The following RNF180 variants were observed in gnomAD, a reference collection of about 807,000 sequenced individuals.
The protein encoded by RNF180 is ring finger protein 180.
Under a neutral mutation model 59.2 loss-of-function variants are expected in RNF180, and 38 were observed. The ratio of observed to expected loss-of-function variants is 0.64; its 90% CI spans 0.50 to 0.84. The LOEUF (loss-of-function observed/expected upper bound fraction) is 0.84. Ranked by LOEUF, RNF180 falls within the 40% of genes least tolerant of loss-of-function variation. RNF180 has a pLI of 0.00. For synonymous variants in RNF180, 262 were observed against 240.3 expected (o/e 1.09, Z -0.84); for missense variants, 705 against 700.9 (o/e 1.01, Z -0.07).
At chr5:64,319,880 A>G (rs1241164633) in intron 5 of RNF180, among the ~76,000 whole-genome samples, 1 of 152,254 alleles carries the variant, frequency 6.6e-6, no homozygotes, top group African/African-American at 2.4e-5. Flanking sequence ...GGCAGGTGCC[A>G]TAAGATCTAG....
chr5:64,346,079 A>T (rs1202661325), intron 7 of RNF180, among the ~76,000 whole-genome samples: 1 of 152,100 alleles, frequency 6.6e-6, no homozygotes, highest in Non-Finnish European at 1.5e-5. Flanking sequence ...ATAAAGAGGT[A>T]AAGAACTCCA....
At position 64,217,380 on chromosome 5, in the gene RNF180, G is replaced by T. The variant is rs904286520; in HGVS notation, c.1211G>T (p.Gly404Val). ...CTCTAGGGTAAATACTCAGGAGTGG[G>T]ATTGCTGGATCATATGGTAAGTATA... ...LQKQGKYSGV[G>V]LLDHMTLNNE... is the part of the protein sequence containing the mutation. Residue 404 changes from glycine to valine, a missense_variant, in exon 5 of 8, where the codon GGA (glycine) becomes GTA (valine). Transcript: ENST00000389100. 2 of 1,421,178 alleles carry T rather than the reference G, an allele frequency of 1.4e-6. No individual in the cohort carries two copies. The highest frequency in any genetic ancestry group is 9.2e-7 in the Non-Finnish European group (1 of 1,082,086). 88.0% of individuals were successfully genotyped at this position (1,421,178 alleles called of 1,614,324 possible).
intron 1 of RNF180, among the ~76,000 whole-genome samples, chr5:64,182,690 G>A (rs551902403): frequency 6.6e-6 from 1 of 152,258 alleles, no homozygotes; most frequent in South Asian, 2.1e-4. Flanking sequence ...AAGTTTATAC[G>A]AGAATAAGTG....
Position 64,192,225 on chromosome 5 carries a change from C to T in RNF180, c.1-8583C>T, listed in dbSNP as rs545969646. 4.6e-5 allele frequency among the ~76,000 whole-genome samples: 7 copies of T among 151,538 alleles called. No homozygotes were observed. In the South Asian group the frequency reaches 1.0e-3, roughly 23 times the overall value. On this transcript the variant is annotated intron_variant, in intron 1 of 7. Coordinates refer to ENST00000389100, the MANE Select transcript of RNF180 (RefSeq NM_001113561.2). ...AGATACATGAAAGGGTTCTTAATAT[C>T]AGTAATCATCAGGGAAAGGCAGTTC...
intron 5 of RNF180, among the ~76,000 whole-genome samples, chr5:64,245,525 C>T (rs1400002241): frequency 6.6e-6 from 1 of 152,164 alleles, no homozygotes; most frequent in African/African-American, 2.4e-5. Context: ...CAAAGAAGGG[C>T]ATTACATAAT....
chr5:64,270,618 G>C (rs915789348), intron 5 of RNF180, among the ~76,000 whole-genome samples: 1 of 152,102 alleles, frequency 6.6e-6, no homozygotes. Flanking sequence ...CAGAGAGGTT[G>C]AGTAATTTGT....
intron 5 of RNF180, among the ~76,000 whole-genome samples, chr5:64,270,545 C>A (rs1468279970): frequency 1.3e-5 from 2 of 152,016 alleles, no homozygotes; most frequent in African/African-American, 4.8e-5. Context: ...TCATTTAATT[C>A]TTACAACAGT....
intron 1 of RNF180, among the ~76,000 whole-genome samples, chr5:64,180,263 C>G (rs1193275794): frequency 6.6e-6 from 1 of 151,938 alleles, no homozygotes; most frequent in Non-Finnish European, 1.5e-5. Flanking sequence ...GAAACATGAC[C>G]CAGCCTATAG....
chr5:64,226,846 G>A (rs1285188982), intron 5 of RNF180, among the ~76,000 whole-genome samples: 2 of 152,146 alleles, frequency 1.3e-5, no homozygotes, highest in East Asian at 1.9e-4. Context: ...AAGCATCATC[G>A]ATGGATGGGA....
chr5:64,253,413 A>G (rs1439175904), intron 5 of RNF180, among the ~76,000 whole-genome samples: 1 of 152,144 alleles, frequency 6.6e-6, no homozygotes, highest in Non-Finnish European at 1.5e-5. Context: ...AATTATTTCA[A>G]TACTAATATT....
intron 2 of RNF180, among the ~76,000 whole-genome samples, chr5:64,207,878 G>C (rs1369958323): frequency 6.6e-6 from 1 of 151,972 alleles, no homozygotes; most frequent in Admixed American, 6.6e-5. Context: ...TTTCCCTGTG[G>C]TGTTAGCTGC....
At chr5:64,322,790 A>G (rs1311361130) in intron 5 of RNF180, among the ~76,000 whole-genome samples, 2 of 152,118 alleles carry the variant, frequency 1.3e-5, no homozygotes, top group African/African-American at 2.4e-5. Flanking sequence ...AGCTTAAGCT[A>G]TGAGGATGCA....
chr5:64,246,148 G>A (rs1019682718), intron 5 of RNF180, among the ~76,000 whole-genome samples: 15 of 152,270 alleles, frequency 9.9e-5, no homozygotes, highest in African/African-American at 3.6e-4. Flanking sequence ...AGCACTAAAT[G>A]TCCACAGGAG....
intron 5 of RNF180, among the ~76,000 whole-genome samples, chr5:64,244,354 A>G (rs1185511635): frequency 6.6e-6 from 1 of 152,028 alleles, no homozygotes; most frequent in Non-Finnish European, 1.5e-5. Context: ...AAAAAAAGAG[A>G]AATTGCTAAC....
chr5:64,197,672 T>C (rs1052111372), intron 1 of RNF180, among the ~76,000 whole-genome samples: 4 of 152,194 alleles, frequency 2.6e-5, no homozygotes, highest in African/African-American at 4.8e-5. Flanking sequence ...ATAGAGCACT[T>C]GTGCAGTCTA....
intron 5 of RNF180, among the ~76,000 whole-genome samples, chr5:64,251,528 GC>G (rs1743577239): frequency 1.3e-5 from 2 of 152,154 alleles, no homozygotes; most frequent in African/African-American, 4.8e-5. Flanking sequence ...GCTCGAGCAA[GC>G]CTCCTGCCTC....
At chr5:64,171,339 G>A (rs368473262) in intron 1 of RNF180, among the ~76,000 whole-genome samples, 3 of 152,314 alleles carry the variant, frequency 2.0e-5, no homozygotes, top group South Asian at 4.1e-4. Flanking sequence ...ATGGCATTCA[G>A]TATATACCGC....
At chr5:64,181,651 A>G (rs545456992) in intron 1 of RNF180, among the ~76,000 whole-genome samples, 1 of 152,302 alleles carries the variant, frequency 6.6e-6, no homozygotes, top group Admixed American at 6.5e-5. Context: ...GATCATGGGT[A>G]GTTTCCCTCA....
In RNF180 at chr5:64,259,979, T is replaced by G. The variant is rs73103135; in HGVS notation, c.1227+42583T>G. On this transcript the variant is annotated intron_variant, in intron 5 of 7. Transcript: ENST00000389100. ...AACCCTATGAAAAGAAGAAAAATCT[T>G]TGACTATCCTAATCATCCTAGCACC... 4.9e-3 allele frequency among the ~76,000 whole-genome samples: 739 copies of G among 152,200 alleles called. 9 individuals carry two copies. Among genetic ancestry groups the G allele is most frequent in the African/African-American group, 0.017 (693 of 41,524 alleles).
Sources: allele counts gnomAD v4.1 joint callset (sites outside exome capture counted in the v4.1 genomes callset), GRCh38; gene constraint gnomAD v4.1.1; transcripts MANE v1.5; gene names NCBI Gene and HGNC (gene_info 2026-07-23, HGNC 2026-07-21).